The following ZNF653 variants were observed in gnomAD, a reference collection of about 807,000 sequenced individuals.
The protein encoded by ZNF653 is zinc finger protein 653.
A neutral mutation model predicts 59.9 loss-of-function variants in ZNF653; 37 were observed. The observed-to-expected ratio is 0.62, with a 90% CI of 0.48 to 0.81. The LOEUF (loss-of-function observed/expected upper bound fraction) is 0.81. Ranked by LOEUF, ZNF653 falls within the 40% of genes least tolerant of loss-of-function variation. The probability of loss-of-function intolerance (pLI) is 0.00; values close to 1 mark genes in which losing one functional copy is unlikely to be tolerated. For synonymous variants in ZNF653, 435 were observed against 371.8 expected (o/e 1.17, Z -1.96); for missense variants, 808 against 881.1 (o/e 0.92, Z 1.05).
intron 7 of ZNF653, among the ~76,000 whole-genome samples, chr19:11,484,631 G>A (rs766138278): frequency 1.3e-4 from 20 of 151,826 alleles, no homozygotes; most frequent in Admixed American, 4.6e-4. Flanking sequence ...GGCTGGTCTC[G>A]AACTCCTGAC....
At chr19:11,488,729 C>T (rs1285633403) in intron 3 of ZNF653, among the ~76,000 whole-genome samples, 2 of 151,532 alleles carry the variant, frequency 1.3e-5, no homozygotes, top group Non-Finnish European at 2.9e-5. Context: ...TCCCGAGTAG[C>T]TGGGACTACA....
At position 11,487,562 on chromosome 19, in the gene ZNF653, G is replaced by A. The variant is rs200475182; in HGVS notation, c.901C>T (p.Leu301=). The change falls in exon 4 of 9, where the codon CTG becomes TTG. Residue 301 remains leucine, a synonymous_variant. Coordinates refer to ENST00000293771, the MANE Select transcript of ZNF653 (RefSeq NM_138783.4). The surrounding 1 kb of genome is among the most constrained non-coding windows in gnomAD (Gnocchi z 5.1). The stretch of plus-strand genomic sequence containing the variant: ...GGGCAGCTGGCCACCACCTCACCCA[G>A]GGCCTCCTGGGGCACGTTCTCAAAG... ...ALFENVPQEA[L]GEVVASCPMP... 2.8e-4 allele frequency: 454 copies of A among 1,613,794 alleles called. No homozygotes were observed. Among genetic ancestry groups the A allele is most frequent in the Non-Finnish European group, 3.7e-4 (433 of 1,179,994 alleles).
Position 11,484,066 on chromosome 19 carries a change from G to A in ZNF653, c.1646C>T (p.Thr549Ile). ...RKNHLEVHRR[T>I]HTGETPLQCE... The stretch of plus-strand genomic sequence containing the variant: ...CTGCAGGGGGGTCTCGCCGGTGTGG[G>A]TGCGCCGATGTACCTCCAGGTGGTT... The change falls in exon 8 of 9, where the codon ACC becomes ATC. Residue 549 changes from threonine to isoleucine, a missense_variant. Physicochemically the swap from Thr to Ile is moderately conservative, Grantham distance 89 (BLOSUM62 -1). Coordinates refer to ENST00000293771, the MANE Select transcript of ZNF653 (RefSeq NM_138783.4). The A allele has an allele frequency of 6.4e-7, 1 of 1,558,760 alleles. No homozygotes were observed. Among genetic ancestry groups the A allele is most frequent in the Non-Finnish European group, 8.7e-7 (1 of 1,151,100 alleles).
At chr19:11,502,448 T>C (rs1418990291) in intron 1 of ZNF653, among the ~76,000 whole-genome samples, 1 of 152,190 alleles carries the variant, frequency 6.6e-6, no homozygotes, top group Non-Finnish European at 1.5e-5. Context: ...GGACTCATCA[T>C]CAGCTTTAAC....
chr19:11,486,916 C>T (rs752228284), intron 5 of ZNF653, 36 bp from the exon 6 acceptor site: 4 of 1,611,232 alleles, frequency 2.5e-6, no homozygotes, highest in Middle Eastern at 1.6e-4. Flanking sequence ...GGGGCTCCCG[C>T]ACCAGGCAGG....
At position 11,505,768 on chromosome 19, in the gene ZNF653, C is replaced by G. The variant is rs550727645; in HGVS notation, c.19G>C (p.Glu7Gln). 86 of 1,416,598 alleles carry G rather than the reference C, an allele frequency of 6.1e-5. No homozygotes were observed. The African/African-American group carries it at 1.1e-3, about 18-fold the overall frequency. 87.8% of individuals were successfully genotyped at this position (1,416,598 alleles called of 1,614,324 possible). The change falls in exon 1 of 9, where the codon GAG (glutamate) becomes CAG (glutamine). Residue 7 changes from glutamate to glutamine, a missense_variant. Physicochemically the swap from Glu to Gln is conservative, Grantham distance 29. Coordinates refer to ENST00000293771, the MANE Select transcript of ZNF653 (RefSeq NM_138783.4). MAERAL[E>Q]PEAEAEAEAG... ...TCAGCCTCCGCCTCCGCCTCGGGCT[C>G]TAGCGCCCGCTCCGCCATCCCCCCC...
In ZNF653 at chr19:11,495,774, A is replaced by G; in HGVS notation, c.559+176T>C. The G allele has an allele frequency of 1.5e-6, 1 of 652,214 alleles. No homozygotes were observed. The highest frequency in any genetic ancestry group is 1.9e-5 in the South Asian group (1 of 52,042). The allele number at this position is 652,214 out of a possible 1,614,324, so 40.4% of individuals were successfully genotyped here. On this transcript the variant is annotated intron_variant, in intron 3 of 8. Coordinates refer to ENST00000293771, the MANE Select transcript of ZNF653 (RefSeq NM_138783.4). This position sits in a 1 kb window ranked among gnomAD's most constrained non-coding sequence, Gnocchi z 4.9. ...CCACTCAAGCTCTGTAAGGACGCAA[A>G]GAGGGCAAGGCCACGAAGGACTCAG... is the stretch of plus-strand genomic sequence containing the variant.
intron 1 of ZNF653, among the ~76,000 whole-genome samples, chr19:11,502,283 G>C (rs570124123): frequency 2.6e-5 from 4 of 151,894 alleles, no homozygotes; most frequent in Admixed American, 2.6e-4. Context: ...GTAGAGACAG[G>C]GTTTTGGCCT....
At chr19:11,505,466 C>A in intron 1 of ZNF653, 22 bp downstream of exon 1, 2 of 1,438,236 alleles carry the variant, frequency 1.4e-6, no homozygotes, top group South Asian at 2.8e-5. Context: ...TCCCTCCCTC[C>A]CTCGGGGCCA....
At chr19:11,504,562 T>G (rs1276717509) in intron 1 of ZNF653, 3 of 985,422 alleles carry the variant, frequency 3.0e-6, no homozygotes, top group Non-Finnish European at 2.4e-6. Flanking sequence ...CCTGCTGTCC[T>G]GGGAAAGGGG....
rs956081040 is a variant in ZNF653 at position 11,483,609 on chromosome 19, G to A, written c.*73C>T. Reference sequence around the variant, plus strand: ...CGCGGTCCGGGCGGCCCTCGCAGCTGTCCAGGCCCCGGCAAGCCCGGGCGT... The same window carrying A: ...CGCGGTCCGGGCGGCCCTCGCAGCTATCCAGGCCCCGGCAAGCCCGGGCGT... On this transcript the variant is annotated 3_prime_UTR_variant, in exon 9 of 9. Transcript: ENST00000293771. 1 of 1,556,854 alleles carries A rather than the reference G, an allele frequency of 6.4e-7. No homozygotes were observed. Among genetic ancestry groups the A allele is most frequent in the East Asian group, 2.3e-5 (1 of 43,608 alleles).
chr19:11,483,562 G>A lies in ZNF653; in HGVS notation c.*120C>T. On this transcript the variant is annotated 3_prime_UTR_variant, in exon 9 of 9. Coordinates refer to ENST00000293771, the MANE Select transcript of ZNF653 (RefSeq NM_138783.4). ...CCAGGGGGCCCAGCTCTGGGGCGGG[G>A]CGGGGGCGCCTCCTTCCGGCCCGCG... is the stretch of plus-strand genomic sequence containing the variant. 1 of 1,435,122 alleles carries A rather than the reference G, an allele frequency of 7.0e-7. No individual in the cohort carries two copies. Among genetic ancestry groups the A allele is most frequent in the Non-Finnish European group, 9.2e-7 (1 of 1,090,924 alleles). 88.9% of individuals were successfully genotyped at this position (1,435,122 alleles called of 1,614,324 possible).
Position 11,505,397 on chromosome 19 carries a change from G to A in ZNF653, c.299+91C>T. 3 of 1,292,846 alleles carry A rather than the reference G, an allele frequency of 2.3e-6. No homozygotes were observed. The South Asian group carries it at 5.4e-5, about 23-fold the overall frequency. 80.1% of individuals were successfully genotyped at this position (1,292,846 alleles called of 1,614,324 possible). ...CTGGGCGGGGTCCGCAGGTGCCGGGGGCTGGCCCTAGAAGCGGAGGGGGCG... is the reference window on the plus strand; with the variant it reads ...CTGGGCGGGGTCCGCAGGTGCCGGGAGCTGGCCCTAGAAGCGGAGGGGGCG... On this transcript the variant is annotated intron_variant, in intron 1 of 8. Coordinates refer to ENST00000293771, the MANE Select transcript of ZNF653 (RefSeq NM_138783.4).
chr19:11,486,978 G>A lies in ZNF653; in HGVS notation c.1343+9C>T, dbSNP rs1025394732. The A allele has an allele frequency of 5.6e-6, 9 of 1,613,252 alleles. No individual in the cohort carries two copies. The highest frequency in any genetic ancestry group is 4.0e-5 in the African/African-American group (3 of 74,934). ...CCTCGCCCTCACCCTTGCCCGCCCC[G>A]GCACCCACTTCTCAGGCTCCTTGGG... On this transcript the variant is annotated intron_variant, in intron 5 of 8. Coordinates refer to ENST00000293771, the MANE Select transcript of ZNF653 (RefSeq NM_138783.4).
rs200398596 is a variant in ZNF653 at position 11,487,977 on chromosome 19, AT to A, written c.560-75del. ...TATTTGTTTATTTAGTTTTTATTTT[AT>A]TTTATTTATTTATTTATTTATTTTT... On this transcript the variant is annotated intron_variant, in intron 3 of 8. Transcript: ENST00000293771. The surrounding 1 kb of genome is among the most constrained non-coding windows in gnomAD (Gnocchi z 5.1). The A allele has an allele frequency of 1.8e-5, 20 of 1,082,746 alleles. No homozygotes were observed. In the African/African-American group the frequency reaches 6.1e-4, roughly 33 times the overall value. The allele number at this position is 1,082,746 out of a possible 1,614,324, so 67.1% of individuals were successfully genotyped here. A position where few individuals can be genotyped will look rare whatever the true frequency, so the allele number is the denominator to read the frequency against.
chr19:11,484,772 C>T (rs754622062), intron 7 of ZNF653, among the ~76,000 whole-genome samples: 2 of 151,932 alleles, frequency 1.3e-5, no homozygotes, highest in African/African-American at 2.4e-5. Context: ...AAAACTTCTG[C>T]CCAGCACGGT....
rs764424145 is a variant in ZNF653, at chr19:11,487,088, C to T, written c.1242G>A (p.Thr414=). ...CCTCAGGCTCTGCGCTCTCAGGCAC[C>T]GTTGTTGCCAGCTCCGGGGCTACTG... ...EEPVAPELAT[T]VPESAEPEAE... The change falls in exon 5 of 9, where the codon ACG becomes ACA. Residue 414 remains threonine (T), a synonymous_variant. Coordinates refer to ENST00000293771, the MANE Select transcript of ZNF653 (RefSeq NM_138783.4). The surrounding 1 kb of genome is among the most constrained non-coding windows in gnomAD (Gnocchi z 5.1). The T allele has an allele frequency of 8.1e-6, 13 of 1,613,872 alleles. No homozygotes were observed. The East Asian group carries it at 8.9e-5, about 11-fold the overall frequency.
chr19:11,498,366 G>A, intron 1 of ZNF653, 27 bp from the exon 2 acceptor site: 2 of 1,613,992 alleles, frequency 1.2e-6, no homozygotes, highest in Non-Finnish European at 1.7e-6. Flanking sequence ...CAGAGAGGGT[G>A]AACGGGGGAC....
chr19:11,498,461 T>G, intron 1 of ZNF653, 122 bp from the exon 2 acceptor site: 5 of 1,330,548 alleles, frequency 3.8e-6, no homozygotes, highest in Non-Finnish European at 5.4e-6. Flanking sequence ...CTGAACTTTT[T>G]GAGATGGAGT....
Sources: allele counts gnomAD v4.1 joint callset (sites outside exome capture counted in the v4.1 genomes callset), GRCh38; gene constraint gnomAD v4.1.1; non-coding constraint Gnocchi (gnomAD v3.1); transcripts MANE v1.5; gene names NCBI Gene and HGNC (gene_info 2026-07-23, HGNC 2026-07-21).